The following NARS1 variants were observed in gnomAD, a reference collection of about 807,000 sequenced individuals.
The protein encoded by NARS1 is asparagine--tRNA ligase, cytoplasmic.
Under a neutral mutation model 79.2 loss-of-function variants are expected in NARS1, and 65 were observed. That is an observed-to-expected ratio of 0.82 (90% CI 0.67 to 1.01). The LOEUF (loss-of-function observed/expected upper bound fraction) is 1.01. Ranked by LOEUF, NARS1 falls within the 50% of genes least tolerant of loss-of-function variation. The probability of loss-of-function intolerance (pLI) is 0.00; values close to 1 mark genes in which losing one functional copy is unlikely to be tolerated. For missense variants in NARS1, 649 were observed against 673.8 expected, an observed-to-expected ratio of 0.96 and a Z score of 0.41; for synonymous variants, 229 against 238.8, an observed-to-expected ratio of 0.96 and a Z score of 0.38.
intron 5 of NARS1, 49 bp from the exon 6 acceptor site, chr18:57,611,756 A>C (rs752807288): frequency 9.8e-7 from 1 of 1,024,138 alleles, no homozygotes; most frequent in Non-Finnish European, 1.4e-6. Flanking sequence ...CAAGGCATTA[A>C]ATTTTATATA....
intron 5 of NARS1, among the ~76,000 whole-genome samples, chr18:57,612,722 C>T (rs1356885435): frequency 6.6e-6 from 1 of 152,216 alleles, no homozygotes; most frequent in Non-Finnish European, 1.5e-5. Context: ...AGGCGTGAGC[C>T]ACCGCACCTG....
Position 57,600,819 on chromosome 18 carries a change from G to T in NARS1, c.*833C>A, listed in dbSNP as rs2051497592. ...AGATTAGATCTAAGGACATGGTGGG[G>T]GCAACTCAAACAGCCACTCACAATT... On this transcript the variant is annotated 3_prime_UTR_variant, in exon 14 of 14. Coordinates refer to ENST00000256854, the MANE Select transcript of NARS1 (RefSeq NM_004539.4). 1 of 152,068 alleles carries T rather than the reference G, an allele frequency of 6.6e-6. No homozygotes were observed. Among genetic ancestry groups the T allele is most frequent in the African/African-American group, 2.4e-5 (1 of 41,396 alleles). 9.4% of individuals were successfully genotyped at this position (152,068 alleles called of 1,614,324 possible).
Position 57,601,683 on chromosome 18 carries a change from T to C in NARS1, c.1616A>G (p.Tyr539Cys), listed in dbSNP as rs1293325505. The part of the protein sequence containing the change: ...NRYHIRDVCL[Y>C]PRFVQRCTP ...CGTGCAACGCTGGACAAATCGAGGG[T>C]ATAAGCACACGTCTCGGATGTGATA... is the stretch of plus-strand genomic sequence containing the variant. The change falls in exon 14 of 14, where the codon TAC (tyrosine) becomes TGC (cysteine). Residue 539 changes from tyrosine to cysteine, a missense_variant. Coordinates refer to ENST00000256854, the MANE Select transcript of NARS1 (RefSeq NM_004539.4). 6.2e-7 allele frequency: 1 copy of C among 1,613,892 alleles called. No homozygotes were observed. Among genetic ancestry groups the C allele is most frequent in the Non-Finnish European group, 8.5e-7 (1 of 1,179,912 alleles).
rs1178032884 is a variant in NARS1, at chr18:57,601,617, T to G, written c.*35A>C. On this transcript the variant is annotated 3_prime_UTR_variant, in exon 14 of 14. Transcript: ENST00000256854. ...TTCTTTTTTAAAGAGCCTGTTCCTT[T>G]CATAATCTTTCCTCCACGCTTCTGG... 5 of 1,604,704 alleles carry G rather than the reference T, an allele frequency of 3.1e-6. No homozygotes were observed. The highest frequency in any genetic ancestry group is 3.4e-6 in the Non-Finnish European group (4 of 1,173,280).
chr18:57,608,055 A>T (rs1489628866), intron 7 of NARS1, among the ~76,000 whole-genome samples: 1 of 151,840 alleles, frequency 6.6e-6, no homozygotes, highest in African/African-American at 2.4e-5. Flanking sequence ...TTTAGTAGAG[A>T]CGGGGTTTCA....
rs141840292 is a variant in NARS1, at chr18:57,605,956, G to A, written c.1152C>T (p.Pro384=). ...VHELNPNFQP[P]KRPFKRMNYS... Reference sequence around the variant, plus strand: ...AGTTCATCCGTTTGAAAGGCCGTTTGGGGGGCTGAAAGTTCTACAGAAGAA... The same window carrying A: ...AGTTCATCCGTTTGAAAGGCCGTTTAGGGGGCTGAAAGTTCTACAGAAGAA... Residue 384 remains proline (P), a synonymous_variant, in exon 11 of 14, where the codon CCC becomes CCT. Transcript: ENST00000256854. 18 of 1,612,376 alleles carry A rather than the reference G, an allele frequency of 1.1e-5. No homozygotes were observed. The highest frequency in any genetic ancestry group is 1.4e-5 in the Non-Finnish European group (17 of 1,179,064).
chr18:57,605,714 G>A, intron 11 of NARS1, 143 bp downstream of exon 11: 1 of 614,260 alleles, frequency 1.6e-6, no homozygotes, highest in Non-Finnish European at 2.9e-6. Context: ...CAGCGAATCT[G>A]CAGGCAACCC....
At position 57,602,956 on chromosome 18, in the gene NARS1, A is replaced by G. The variant is rs80128850; in HGVS notation, c.1252-13T>C. ...CTTCTGGGATATCCTGAGGTCAAAC[A>G]AGACTTCATTAACATTTACAACTTG... On this transcript the variant is annotated splice_polypyrimidine_tract_variant and intron_variant, in intron 11 of 13. Coordinates refer to ENST00000256854, the MANE Select transcript of NARS1 (RefSeq NM_004539.4). 2,518 of 1,613,758 alleles carry G rather than the reference A, an allele frequency of 1.6e-3. 4 individuals are homozygous for G. The highest frequency in any genetic ancestry group is 2.0e-3 in the Non-Finnish European group (2,347 of 1,179,812).
chr18:57,609,027 C>T (rs937375923), intron 7 of NARS1, among the ~76,000 whole-genome samples: 1 of 152,236 alleles, frequency 6.6e-6, no homozygotes, highest in Non-Finnish European at 1.5e-5. Flanking sequence ...CTTGGACTTA[C>T]ACCAGTTCTT....
In NARS1 at chr18:57,603,225, C is replaced by A. The variant is rs916673827; in HGVS notation, c.1252-282G>T. Among the ~76,000 whole-genome samples the A allele has an allele frequency of 7.3e-5, 11 of 150,742 alleles. No homozygotes were observed. The highest frequency in any genetic ancestry group is 2.1e-4 in the South Asian group (1 of 4,754). ...TGATGAAGGAAAATAAAAAAAAAAACAAAAACAAAAGCCAGCCCCAAGCTG... is the reference window on the plus strand; with the variant it reads ...TGATGAAGGAAAATAAAAAAAAAAAAAAAAACAAAAGCCAGCCCCAAGCTG... On this transcript the variant is annotated intron_variant, in intron 11 of 13. Transcript: ENST00000256854.
In NARS1 at chr18:57,602,801, C is replaced by G; in HGVS notation, c.1383+11G>C. ...GCAAAATTATTAATACTCTTTGAAA[C>G]AGAAACTGACAGATTCAGTAAGACG... On this transcript the variant is annotated intron_variant, in intron 12 of 13. Transcript: ENST00000256854. 6.2e-7 allele frequency: 1 copy of G among 1,613,366 alleles called. No individual in the cohort carries two copies. The highest frequency in any genetic ancestry group is 1.3e-5 in the African/African-American group (1 of 75,016).
At chr18:57,609,585 AAT>A (rs1480462210) in intron 6 of NARS1, 142 bp from the exon 7 acceptor site, 1 of 618,424 alleles carries the variant, frequency 1.6e-6, no homozygotes, top group Admixed American at 3.1e-5. Flanking sequence ...ACTGATTCTT[AAT>A]ATTAAAATAG....
intron 11 of NARS1, among the ~76,000 whole-genome samples, chr18:57,603,212 A>G (rs2051524912): frequency 6.6e-6 from 1 of 151,628 alleles, no homozygotes; most frequent in Admixed American, 6.6e-5. Flanking sequence ...ATGAAGGAAA[A>G]TAAAAAAAAA....
intron 6 of NARS1, among the ~76,000 whole-genome samples, 184 bp downstream of exon 6, chr18:57,611,453 C>T (rs1436918235): frequency 2.0e-5 from 3 of 152,038 alleles, no homozygotes; most frequent in African/African-American, 7.2e-5. Context: ...AGTTTTCTCC[C>T]TCTAGCCTTA....
chr18:57,601,485 T>C lies in NARS1; in HGVS notation c.*167A>G. ...TTTTTTCTTAAGATGACAACCTTAA[T>C]ATCACTTGATGTTCAGGTGATTTGA... is the stretch of plus-strand genomic sequence containing the variant. On this transcript the variant is annotated 3_prime_UTR_variant, in exon 14 of 14. Coordinates refer to ENST00000256854, the MANE Select transcript of NARS1 (RefSeq NM_004539.4). 1 of 622,676 alleles carries C rather than the reference T, an allele frequency of 1.6e-6. No individual in the cohort carries two copies. The highest frequency in any genetic ancestry group is 2.5e-6 in the Non-Finnish European group (1 of 401,260). 38.6% of individuals were successfully genotyped at this position (622,676 alleles called of 1,614,324 possible). A position where few individuals can be genotyped will look rare whatever the true frequency, so the allele number is the denominator to read the frequency against.
At position 57,600,880 on chromosome 18, in the gene NARS1, T is replaced by C. The variant is rs946495535; in HGVS notation, c.*772A>G. On this transcript the variant is annotated 3_prime_UTR_variant, in exon 14 of 14. Transcript: ENST00000256854. ...TTCCAGCTACAATTTCTTTTGGAAC[T>C]TATTTATTCTTAATTACTTAGGAAT... 6.6e-6 allele frequency: 1 copy of C among 152,224 alleles called. No homozygotes were observed. The highest frequency in any genetic ancestry group is 1.9e-4 in the East Asian group (1 of 5,198). 9.4% of individuals were successfully genotyped at this position (152,224 alleles called of 1,614,324 possible).
chr18:57,603,585 A>G (rs536716097), intron 11 of NARS1, among the ~76,000 whole-genome samples: 159 of 152,340 alleles, frequency 1.0e-3, no homozygotes, highest in African/African-American at 3.7e-3. Flanking sequence ...CTCTCAAAAC[A>G]TCCTTCTATA....
rs746591928 is a variant in NARS1 at position 57,621,674 on chromosome 18, G to A, written c.10+34C>T. ...TGGAGCAGAGTTCCTGCCCCAGGCA[G>A]GGAACACCGCGCCATACACTGAGTC... On this transcript the variant is annotated intron_variant, in intron 1 of 13. Transcript: ENST00000256854. 23 of 1,595,552 alleles carry A rather than the reference G, an allele frequency of 1.4e-5. No individual in the cohort carries two copies. The Admixed American group carries it at 3.7e-4, about 25-fold the overall frequency.
At chr18:57,613,320 C>CT (rs2051620413) in intron 5 of NARS1, among the ~76,000 whole-genome samples, 1 of 151,834 alleles carries the variant, frequency 6.6e-6, no homozygotes, top group Non-Finnish European at 1.5e-5. Context: ...TGGTGAAACA[C>CT]CGTCTCTACT....
Sources: allele counts gnomAD v4.1 joint callset (sites outside exome capture counted in the v4.1 genomes callset), GRCh38; gene constraint gnomAD v4.1.1; transcripts MANE v1.5; gene names NCBI Gene and HGNC (gene_info 2026-07-23, HGNC 2026-07-21).